Variants in COL25A1 observed in about 807,000 individuals in gnomAD.
COL25A1 encodes collagen type XXV alpha 1 chain, also known as collagen alpha-1(XXV) chain.
A neutral mutation model predicts 128.4 loss-of-function variants in COL25A1; 103 were observed. That is an observed-to-expected ratio of 0.80 (90% confidence interval 0.68 to 0.94). The LOEUF (loss-of-function observed/expected upper bound fraction) is 0.94, where lower values mean the gene tolerates loss of function less well. COL25A1 is among the 40% of genes least tolerant of loss of function. The pLI is 0.00. For synonymous variants in COL25A1, 279 were observed against 277.2 expected (o/e 1.01, Z -0.06); for missense variants, 745 against 840.0 (o/e 0.89, Z 1.40).
chr4:109,141,942 T>C (rs1016502204), intron 3 of COL25A1, among the ~76,000 whole-genome samples: 1 of 152,176 alleles, frequency 6.6e-6, no homozygotes, highest in African/African-American at 2.4e-5. Flanking sequence ...TCTGCTCTGA[T>C]CTTAGTTATT....
At chr4:108,839,258 C>T (rs1042482887) in intron 31 of COL25A1, among the ~76,000 whole-genome samples, 3 of 152,160 alleles carry the variant, frequency 2.0e-5, no homozygotes, top group African/African-American at 7.2e-5. Context: ...TGATTCTTAT[C>T]AGGAAATTCT....
At chr4:109,166,727 C>T (rs1773109631) in intron 3 of COL25A1, among the ~76,000 whole-genome samples, 2 of 152,212 alleles carry the variant, frequency 1.3e-5, no homozygotes, top group Non-Finnish European at 2.9e-5. Context: ...TTAAATGTTG[C>T]ACTTTGCCAT....
intron 31 of COL25A1, among the ~76,000 whole-genome samples, chr4:108,840,767 T>C (rs7672193): frequency 6.6e-6 from 1 of 152,232 alleles, no homozygotes; most frequent in African/African-American, 2.4e-5. Flanking sequence ...ATAGAATTTT[T>C]CTGTTCAGAA....
At chr4:109,284,093 C>T (rs746517795) in intron 3 of COL25A1, among the ~76,000 whole-genome samples, 1 of 152,170 alleles carries the variant, frequency 6.6e-6, no homozygotes, top group Non-Finnish European at 1.5e-5. Context: ...TTTATTTGAT[C>T]TTGAAAACCT....
intron 24 of COL25A1, among the ~76,000 whole-genome samples, chr4:108,857,567 T>TA (rs1736672975): frequency 1.4e-5 from 2 of 144,860 alleles, no homozygotes; most frequent in African/African-American, 2.6e-5. Flanking sequence ...GAAAATAGAT[T>TA]TAAAAAAAAA....
chr4:108,926,998 A>T (rs1388228248), intron 11 of COL25A1, among the ~76,000 whole-genome samples: 1 of 152,104 alleles, frequency 6.6e-6, no homozygotes, highest in East Asian at 1.9e-4. Flanking sequence ...CACAGTATAA[A>T]CAAGAGCAGA....
intron 19 of COL25A1, among the ~76,000 whole-genome samples, chr4:108,869,405 C>T (rs1052501944): frequency 3.3e-5 from 5 of 152,124 alleles, no homozygotes; most frequent in Admixed American, 1.3e-4. Flanking sequence ...AATCCTGAGT[C>T]GGGGGGAGGG....
At chr4:108,838,060 T>G in intron 31 of COL25A1, 697 of 1,354,844 alleles carry the variant, frequency 5.1e-4, no homozygotes, top group Non-Finnish European at 6.5e-4. Context: ...AAGAAAAATC[T>G]GAGATTTGCA....
chr4:109,045,768 A>T (rs1760371785), intron 5 of COL25A1, among the ~76,000 whole-genome samples: 1 of 152,178 alleles, frequency 6.6e-6, no homozygotes, highest in Non-Finnish European at 1.5e-5. Flanking sequence ...AGCAACTTGA[A>T]TTATCTTCCA....
Position 109,197,959 on chromosome 4 carries a change from C to T in COL25A1, c.367+102624G>A, listed in dbSNP as rs543081737. Among the ~76,000 whole-genome samples, 15 of 152,206 alleles carry T rather than the reference C, an allele frequency of 9.9e-5. 1 individual carries two copies. The South Asian group carries it at 2.3e-3, about 23-fold the overall frequency. Reference sequence around the variant, plus strand: ...TACTATGTTGTCAATATTACATTCACCCAACACATTTTCTCATTCATCAAA... The same window carrying T: ...TACTATGTTGTCAATATTACATTCATCCAACACATTTTCTCATTCATCAAA... On this transcript the variant is annotated intron_variant, in intron 3 of 37. Transcript: ENST00000399132.
chr4:108,951,598 TGG>T (rs1749441796), intron 8 of COL25A1, among the ~76,000 whole-genome samples: 33 of 149,546 alleles, frequency 2.2e-4, no homozygotes, highest in East Asian at 1.0e-3. Flanking sequence ...GTTGGCCAGG[TGG>T]GTCTCAAACT....
At chr4:108,847,832 A>G (rs1735293356) in intron 27 of COL25A1, among the ~76,000 whole-genome samples, 1 of 152,176 alleles carries the variant, frequency 6.6e-6, no homozygotes, top group South Asian at 2.1e-4. Flanking sequence ...ATAATCCTAA[A>G]CCTAATTTTC....
At chr4:109,040,643 G>A (rs1034516472) in intron 5 of COL25A1, among the ~76,000 whole-genome samples, 8 of 152,092 alleles carry the variant, frequency 5.3e-5, no homozygotes, top group South Asian at 4.1e-4. Context: ...TAGGCAGACC[G>A]CCCTAGGAAT....
chr4:109,051,791 T>C (rs3096487), intron 3 of COL25A1, among the ~76,000 whole-genome samples: 59,619 of 151,904 alleles, frequency 0.39, 13,038 homozygotes, highest in East Asian at 0.66. Flanking sequence ...TTAGAAGCCA[T>C]TGTGGAAGAG....
chr4:108,989,911 G>A (rs979631569), intron 6 of COL25A1, among the ~76,000 whole-genome samples: 56 of 152,018 alleles, frequency 3.7e-4, no homozygotes, highest in African/African-American at 1.1e-3. Context: ...TTTTGGCTAG[G>A]ATATAAAAAT....
At chr4:109,230,169 T>G (rs971398223) in intron 3 of COL25A1, among the ~76,000 whole-genome samples, 1 of 152,128 alleles carries the variant, frequency 6.6e-6, no homozygotes, top group African/African-American at 2.4e-5. Context: ...AACATGGGAT[T>G]TAGGTGGGGA....
At chr4:109,153,381 CAAAAAA>C (rs34880736) in intron 3 of COL25A1, among the ~76,000 whole-genome samples, 3 of 115,976 alleles carry the variant, frequency 2.6e-5, no homozygotes, top group South Asian at 2.7e-4. Flanking sequence ...AGCTCCATCT[CAAAAAA>C]AAAAAAAAAA....
intron 8 of COL25A1, among the ~76,000 whole-genome samples, chr4:108,946,592 T>C (rs1748786414): frequency 6.6e-6 from 1 of 152,180 alleles, no homozygotes; most frequent in African/African-American, 2.4e-5. Flanking sequence ...GCTCTGGGGA[T>C]TGAATGGTGA....
rs1160462093 is a variant in COL25A1 at position 109,299,855 on chromosome 4, T to C, written c.367+728A>G. ...AAGATATCTACCAAGCCCTCAAAGG[T>C]CCATGAAGGAAGATTTAATGATTAC... is the stretch of plus-strand genomic sequence containing the variant. On this transcript the variant is annotated intron_variant, in intron 3 of 37. Coordinates refer to ENST00000399132, the MANE Select transcript of COL25A1 (RefSeq NM_198721.4). Among the ~76,000 whole-genome samples the C allele has an allele frequency of 2.0e-5, 3 of 152,224 alleles. No homozygotes were observed. The East Asian group carries it at 5.8e-4, about 29-fold the overall frequency.
Sources: gnomAD v4.1 joint callset for allele counts (sites outside exome capture counted in the v4.1 genomes callset) on GRCh38, gnomAD v4.1.1 for gene constraint, MANE v1.5 for transcripts, NCBI Gene and HGNC (gene_info 2026-07-23, HGNC 2026-07-21) for gene names.